The following HCN1 variants were observed in gnomAD, a reference collection of about 807,000 sequenced individuals.
HCN1 encodes hyperpolarization activated cyclic nucleotide gated potassium channel 1.
HCN1 carries 13 observed loss-of-function variants against 78.9 expected under a neutral mutation model. The ratio of observed to expected loss-of-function variants is 0.16; its 90% CI spans 0.11 to 0.26. HCN1 has a LOEUF of 0.26. HCN1 is among the 10% of genes least tolerant of loss of function. HCN1 has a pLI of 1.00. For missense variants in HCN1, 810 were observed against 1,154.3 expected (o/e 0.70, Z 4.32); for synonymous variants, 552 against 455.5 (o/e 1.21, Z -2.70).
chr5:45,402,460 C>T (rs1015330746), intron 3 of HCN1, among the ~76,000 whole-genome samples: 1 of 152,094 alleles, frequency 6.6e-6, no homozygotes, highest in Admixed American at 6.6e-5. Context: ...TTCTGCAGTT[C>T]AGAGGAGACT....
chr5:45,654,638 T>C (rs1041450630), intron 1 of HCN1, among the ~76,000 whole-genome samples: 7 of 152,168 alleles, frequency 4.6e-5, no homozygotes, highest in African/African-American at 1.7e-4. Flanking sequence ...ATACTGACAT[T>C]TGGTTATCTT....
chr5:45,350,574 G>C (rs2111979372), intron 5 of HCN1, among the ~76,000 whole-genome samples: 1 of 151,514 alleles, frequency 6.6e-6, no homozygotes, highest in East Asian at 1.9e-4. Flanking sequence ...AGGAAAAGAG[G>C]AAGTCAAATT....
rs530710420 is a variant in HCN1, at chr5:45,513,864, G to A, written c.850-51857C>T. 2.6e-5 allele frequency among the ~76,000 whole-genome samples: 4 copies of A among 152,210 alleles called. No homozygotes were observed. The South Asian group carries it at 8.3e-4, about 32-fold the overall frequency. ...TCATAGATTTCAGACCCACATTAAG[G>A]TAGATACATGAAATTTAGAAATTTG... On this transcript the variant is annotated intron_variant, in intron 2 of 7. Transcript: ENST00000303230.
intron 5 of HCN1, among the ~76,000 whole-genome samples, chr5:45,304,356 A>G (rs113175530): frequency 1.3e-5 from 2 of 151,930 alleles, no homozygotes. Context: ...AGTACAGAAA[A>G]AGGTTACACA....
chr5:45,590,559 T>C (rs1744339049), intron 2 of HCN1, among the ~76,000 whole-genome samples: 1 of 152,198 alleles, frequency 6.6e-6, no homozygotes, highest in Admixed American at 6.5e-5. Flanking sequence ...TCTATGGGTT[T>C]GGACAAGTGT....
chr5:45,589,187 G>A (rs1744304839), intron 2 of HCN1, among the ~76,000 whole-genome samples: 2 of 152,184 alleles, frequency 1.3e-5, no homozygotes, highest in Non-Finnish European at 2.9e-5. Context: ...CTCAGAAGCT[G>A]TTTTCAGCAT....
rs1743386089 is a variant in HCN1 at position 45,552,372 on chromosome 5, T to G, written c.850-90365A>C. ...TCGCATAATATGGTAGTCAACAAAT[T>G]TAACAGTATTTTATTTCAAGTAGAC... On this transcript the variant is annotated intron_variant, in intron 2 of 7. Coordinates refer to ENST00000303230, the MANE Select transcript of HCN1 (RefSeq NM_021072.4). Among the ~76,000 whole-genome samples the G allele has an allele frequency of 2.0e-5, 3 of 152,032 alleles. No individual in the cohort carries two copies. In the South Asian group the frequency reaches 6.2e-4, roughly 32 times the overall value.
chr5:45,301,339 T>C (rs1017217859), intron 6 of HCN1, among the ~76,000 whole-genome samples: 6 of 151,394 alleles, frequency 4.0e-5, no homozygotes, highest in African/African-American at 1.5e-4. Flanking sequence ...ATTTAGAATA[T>C]GTATAATAAT....
intron 3 of HCN1, among the ~76,000 whole-genome samples, chr5:45,459,205 A>G (rs1009720021): frequency 6.6e-6 from 1 of 151,930 alleles, no homozygotes; most frequent in African/African-American, 2.4e-5. Flanking sequence ...GGAGTTTAAG[A>G]CCAGCCTTGG....
At position 45,303,907 on chromosome 5, in the gene HCN1, A is replaced by G. The variant is rs189523026; in HGVS notation, c.1378-68T>C. 747 of 1,342,726 alleles carry G rather than the reference A, an allele frequency of 5.6e-4. 11 individuals are homozygous for G. The East Asian group carries it at 0.013, about 23-fold the overall frequency. 83.2% of individuals were successfully genotyped at this position (1,342,726 alleles called of 1,614,324 possible). A position where few individuals can be genotyped will look rare whatever the true frequency, so the allele number is the denominator to read the frequency against. Reference sequence around the variant, plus strand: ...TCATATCTGGAAGAAAAACATGCTGAAATTTAAAATATATACAGCATAACA... The same window carrying G: ...TCATATCTGGAAGAAAAACATGCTGGAATTTAAAATATATACAGCATAACA... On this transcript the variant is annotated intron_variant, in intron 5 of 7. Transcript: ENST00000303230.
At chr5:45,315,328 G>A (rs746530130) in intron 5 of HCN1, among the ~76,000 whole-genome samples, 35 of 152,242 alleles carry the variant, frequency 2.3e-4, no homozygotes, top group African/African-American at 4.3e-4. Context: ...GGTACACAGC[G>A]AAATGAAGGC....
intron 2 of HCN1, among the ~76,000 whole-genome samples, chr5:45,614,118 G>A (rs1297024277): frequency 1.3e-5 from 2 of 152,056 alleles, no homozygotes; most frequent in African/African-American, 4.8e-5. Context: ...GACATCTGTT[G>A]TTCATGTGAT....
intron 2 of HCN1, among the ~76,000 whole-genome samples, chr5:45,464,576 A>G (rs1050134278): frequency 4.6e-5 from 7 of 152,212 alleles, no homozygotes; most frequent in Non-Finnish European, 8.8e-5. Context: ...GTATTTTTAC[A>G]CTGGTTAATA....
chr5:45,372,980 A>G (rs183439012), intron 4 of HCN1, among the ~76,000 whole-genome samples: 13 of 140,536 alleles, frequency 9.3e-5, no homozygotes, highest in African/African-American at 2.5e-4. Context: ...TAAAATAAAT[A>G]AAAAATAATA....
At chr5:45,279,981 T>C (rs1264564122) in intron 6 of HCN1, among the ~76,000 whole-genome samples, 1 of 151,980 alleles carries the variant, frequency 6.6e-6, no homozygotes, top group East Asian at 1.9e-4. Flanking sequence ...CCTCTAGAAC[T>C]ATAACACTTA....
At chr5:45,562,733 C>T (rs1477536181) in intron 2 of HCN1, among the ~76,000 whole-genome samples, 1 of 152,140 alleles carries the variant, frequency 6.6e-6, no homozygotes, top group Non-Finnish European at 1.5e-5. Flanking sequence ...AGAATTGCCA[C>T]TTTTTCTTTC....
At chr5:45,352,870 C>T (rs938632430) in intron 5 of HCN1, among the ~76,000 whole-genome samples, 35 of 151,744 alleles carry the variant, frequency 2.3e-4, no homozygotes, top group African/African-American at 8.2e-4. Context: ...TTTTAAAGAG[C>T]CAGAAATACA....
chr5:45,640,803 G>A (rs1262310504), intron 2 of HCN1, among the ~76,000 whole-genome samples: 1 of 148,614 alleles, frequency 6.7e-6, no homozygotes, highest in East Asian at 2.0e-4. Flanking sequence ...TCGAACTCCT[G>A]ACTTCAGGTG....
chr5:45,507,609 T>C (rs1041339481), intron 2 of HCN1, among the ~76,000 whole-genome samples: 5 of 152,012 alleles, frequency 3.3e-5, no homozygotes, highest in Non-Finnish European at 7.4e-5. Context: ...AGTATATAAA[T>C]GAGAAACATT....
Sources: allele counts gnomAD v4.1 joint callset (sites outside exome capture counted in the v4.1 genomes callset), GRCh38; gene constraint gnomAD v4.1.1; transcripts MANE v1.5; gene names NCBI Gene and HGNC (gene_info 2026-07-23, HGNC 2026-07-21).